Variants in SLC26A7 observed in about 807,000 individuals in gnomAD.
SLC26A7 encodes anion exchange transporter.
SLC26A7 carries 59 observed loss-of-function variants against 82.5 expected under a neutral mutation model. The observed-to-expected ratio is 0.72, with a 90% CI of 0.58 to 0.89. SLC26A7 has a LOEUF of 0.89. Ranked by LOEUF, SLC26A7 falls within the 40% of genes least tolerant of loss-of-function variation. The probability of loss-of-function intolerance (pLI) is 0.00; values close to 1 mark genes in which losing one functional copy is unlikely to be tolerated. For synonymous variants in SLC26A7, 271 were observed against 274.3 expected (o/e 0.99, Z 0.12); for missense variants, 820 against 793.0 (o/e 1.03, Z -0.41).
rs138676591 is a variant in SLC26A7 at position 91,304,891 on chromosome 8, C to T, written c.477+9188C>T. Among the ~76,000 whole-genome samples, 584 of 152,302 alleles carry T rather than the reference C, an allele frequency of 3.8e-3. 5 individuals carry two copies. Among genetic ancestry groups the T allele is most frequent in the Middle Eastern group, 0.02 (6 of 294 alleles). On this transcript the variant is annotated intron_variant, in intron 4 of 18. Transcript: ENST00000276609. ...TAGGCATGCCAGGCCCCTTCTCATG[C>T]TGCTTGTATGACTCCTCTGTGTCTT...
At chr8:91,251,896 A>C (rs1336483650) in intron 2 of SLC26A7, among the ~76,000 whole-genome samples, 1 of 152,138 alleles carries the variant, frequency 6.6e-6, no homozygotes, top group Non-Finnish European at 1.5e-5. Context: ...CCTTCCCTTC[A>C]AATTGCTTTT....
At chr8:91,341,059 C>T (rs1006589105) in intron 8 of SLC26A7, among the ~76,000 whole-genome samples, 1 of 151,152 alleles carries the variant, frequency 6.6e-6, no homozygotes, top group East Asian at 2.0e-4. Context: ...CATATGTATA[C>T]ATGTGCCATG....
chr8:91,229,254 G>A (rs1399033481), intron 2 of SLC26A7, among the ~76,000 whole-genome samples: 1 of 152,108 alleles, frequency 6.6e-6, no homozygotes, highest in African/African-American at 2.4e-5. Flanking sequence ...ACCCCAACAT[G>A]CACAAAGGCC....
chr8:91,224,302 T>A (rs909243407), intron 2 of SLC26A7, among the ~76,000 whole-genome samples: 12 of 152,168 alleles, frequency 7.9e-5, no homozygotes, highest in Admixed American at 1.3e-4. Flanking sequence ...TCAATTCTCA[T>A]CTTCATGAGT....
chr8:91,225,565 T>A (rs1427187572), intron 2 of SLC26A7, among the ~76,000 whole-genome samples: 1 of 151,142 alleles, frequency 6.6e-6, no homozygotes, highest in African/African-American at 2.4e-5. Flanking sequence ...ATTATGATTT[T>A]TTTTTTTTTT....
chr8:91,270,709 C>A (rs532516278), intron 2 of SLC26A7, among the ~76,000 whole-genome samples: 23 of 152,238 alleles, frequency 1.5e-4, no homozygotes, highest in Admixed American at 3.3e-4. Flanking sequence ...GAGGAAGTTA[C>A]TAGGAACATT....
chr8:91,235,490 G>A (rs1056164547), intron 2 of SLC26A7, among the ~76,000 whole-genome samples: 2 of 152,094 alleles, frequency 1.3e-5, no homozygotes, highest in Non-Finnish European at 2.9e-5. Context: ...ACCAGTCTAG[G>A]AACACTGTGA....
intron 2 of SLC26A7, among the ~76,000 whole-genome samples, chr8:91,238,631 AG>A (rs1810424577): frequency 6.6e-6 from 1 of 151,532 alleles, no homozygotes; most frequent in African/African-American, 2.4e-5. Flanking sequence ...ACATTCAAAA[AG>A]GGCACTTTAG....
chr8:91,321,666 C>A (rs1281788459), intron 5 of SLC26A7, among the ~76,000 whole-genome samples: 1 of 152,090 alleles, frequency 6.6e-6, no homozygotes, highest in Admixed American at 6.6e-5. Flanking sequence ...ACAGATAACT[C>A]TTTACTTTTT....
intron 13 of SLC26A7, 51 bp from the exon 14 acceptor site, chr8:91,366,529 T>G (rs1411333438): frequency 1.3e-6 from 2 of 1,577,588 alleles, no homozygotes; most frequent in African/African-American, 1.4e-5. Context: ...GATTGTTTAT[T>G]GGCTATAATT....
At chr8:91,259,168 T>C (rs1462263689) in intron 2 of SLC26A7, among the ~76,000 whole-genome samples, 1 of 152,090 alleles carries the variant, frequency 6.6e-6, no homozygotes, top group Admixed American at 6.6e-5. Context: ...AATTTTAAAA[T>C]GGAAGGCTTT....
chr8:91,366,991 C>G (rs1032337307), intron 14 of SLC26A7, among the ~76,000 whole-genome samples: 3 of 151,936 alleles, frequency 2.0e-5, no homozygotes, highest in Non-Finnish European at 4.4e-5. Context: ...TTTAATGGAT[C>G]TCTTAACCAA....
intron 5 of SLC26A7, among the ~76,000 whole-genome samples, chr8:91,319,581 C>G (rs905811494): frequency 1.1e-4 from 17 of 152,236 alleles, no homozygotes; most frequent in African/African-American, 4.1e-4. Context: ...AACACTGGAA[C>G]TGGGCCTGGA....
chr8:91,219,574 A>G (rs1313114581), intron 2 of SLC26A7, among the ~76,000 whole-genome samples: 1 of 152,222 alleles, frequency 6.6e-6, no homozygotes, highest in Non-Finnish European at 1.5e-5. Context: ...GCAGTAGTTC[A>G]GAAATGAGAA....
At position 91,318,854 on chromosome 8, in the gene SLC26A7, ACCTGG is replaced by A. The variant is rs112065643; in HGVS notation, c.642+477_642+481del. Among the ~76,000 whole-genome samples, 197 of 152,278 alleles carry A rather than the reference ACCTGG, an allele frequency of 1.3e-3. 2 individuals are homozygous for A. The highest frequency in any genetic ancestry group is 4.7e-3 in the African/African-American group (194 of 41,552). Reference sequence around the variant, plus strand: ...ACCTGAACCCAAGAAAGAGAGTAGCACCTGGCCATTTGCAACATATTTTTCTAACA... The same window carrying A: ...ACCTGAACCCAAGAAAGAGAGTAGCACCATTTGCAACATATTTTTCTAACA... On this transcript the variant is annotated intron_variant, in intron 5 of 18. Transcript: ENST00000276609.
chr8:91,295,591 A>G lies in SLC26A7; in HGVS notation c.365A>G (p.Asn122Ser), dbSNP rs753198864. The change falls in exon 4 of 19, where the codon AAC becomes AGC. Residue 122 changes from asparagine (N) to serine (S), a missense_variant. Asn to Ser is a conservative substitution (Grantham distance 46). Transcript: ENST00000276609. ...GCCGTGGAACGGATTGTCCCTCAGA[A>G]CATGCAGAATCTCACCACACAGAGT... is the stretch of plus-strand genomic sequence containing the variant. ...ANAVERIVPQ[N>S]MQNLTTQSNT... is the part of the protein sequence containing the mutation. The G allele has an allele frequency of 1.9e-6, 3 of 1,613,970 alleles. No individual in the cohort carries two copies. The highest frequency in any genetic ancestry group is 1.7e-5 in the Admixed American group (1 of 60,000).
chr8:91,262,517 G>A (rs1810997008), intron 2 of SLC26A7, among the ~76,000 whole-genome samples: 1 of 152,070 alleles, frequency 6.6e-6, no homozygotes, highest in Non-Finnish European at 1.5e-5. Flanking sequence ...GCACCTGGCT[G>A]ACAAGAGAAG....
chr8:91,252,944 G>C (rs538279951), intron 2 of SLC26A7, among the ~76,000 whole-genome samples: 119 of 151,996 alleles, frequency 7.8e-4, no homozygotes, highest in African/African-American at 2.8e-3. Flanking sequence ...GACTCTATCA[G>C]CAGCCTTGGT....
intron 4 of SLC26A7, among the ~76,000 whole-genome samples, chr8:91,296,920 C>G: frequency 6.6e-6 from 1 of 152,156 alleles, no homozygotes; most frequent in South Asian, 2.1e-4. Context: ...ATGAGGCTCT[C>G]TGAGATCTGT....
Sources: gnomAD v4.1 joint callset for allele counts (sites outside exome capture counted in the v4.1 genomes callset) on GRCh38, gnomAD v4.1.1 for gene constraint, MANE v1.5 for transcripts, NCBI Gene and HGNC (gene_info 2026-07-23, HGNC 2026-07-21) for gene names.